Variants in VASH2 observed in about 807,000 individuals in gnomAD.
VASH2 encodes tubulinyl-Tyr carboxypeptidase 2.
VASH2 carries 28 observed loss-of-function variants against 37.2 expected under a neutral mutation model. That is an observed-to-expected ratio of 0.75 (90% CI 0.56 to 1.03). The LOEUF is 1.03. Ranked by LOEUF, VASH2 falls within the 50% of genes least tolerant of loss-of-function variation. VASH2 has a pLI of 0.00. For synonymous variants in VASH2, 188 were observed against 174.7 expected (o/e 1.08, Z -0.60); for missense variants, 419 against 459.1 (o/e 0.91, Z 0.80).
intron 7 of VASH2, among the ~76,000 whole-genome samples, chr1:212,984,562 C>T (rs749330441): frequency 2.6e-4 from 39 of 152,100 alleles, no homozygotes; most frequent in Non-Finnish European, 4.4e-4. Flanking sequence ...AAGCTAGTGT[C>T]TTATTTTCTT....
At chr1:212,986,826 G>C (rs1050676730) in intron 7 of VASH2, among the ~76,000 whole-genome samples, 7 of 152,166 alleles carry the variant, frequency 4.6e-5, no homozygotes, top group African/African-American at 1.7e-4. Context: ...GTCGCTATGG[G>C]GAGAGACACA....
At chr1:212,966,532 GCTT>G (rs1666852541) in intron 5 of VASH2, among the ~76,000 whole-genome samples, 187 bp downstream of exon 5, 1 of 152,120 alleles carries the variant, frequency 6.6e-6, no homozygotes, top group Non-Finnish European at 1.5e-5. Context: ...TCAATGCTTG[GCTT>G]CTTGGACCAA....
intron 7 of VASH2, among the ~76,000 whole-genome samples, chr1:212,978,418 G>A (rs1667243034): frequency 6.6e-6 from 1 of 152,214 alleles, no homozygotes; most frequent in Non-Finnish European, 1.5e-5. Context: ...TCGAGGTCAG[G>A]AAGGAAGACC....
At chr1:212,970,688 G>A (rs1368262609) in intron 5 of VASH2, among the ~76,000 whole-genome samples, 3 of 152,040 alleles carry the variant, frequency 2.0e-5, no homozygotes, top group African/African-American at 4.8e-5. Flanking sequence ...TCAGGAGTTC[G>A]AGACCAGCCT....
intron 5 of VASH2, chr1:212,968,262 T>C: frequency 1.0e-6 from 1 of 985,262 alleles, no homozygotes; most frequent in Non-Finnish European, 1.2e-6. Flanking sequence ...GAGAAAAAGA[T>C]CAAAGATGAA....
chr1:212,959,690 G>A (rs1352536379), intron 2 of VASH2, among the ~76,000 whole-genome samples: 1 of 152,242 alleles, frequency 6.6e-6, no homozygotes, highest in Non-Finnish European at 1.5e-5. Context: ...CCTCACACTG[G>A]GGCTGGCGCC....
chr1:212,956,423 G>T (rs114483696), intron 2 of VASH2, among the ~76,000 whole-genome samples: 1 of 152,306 alleles, frequency 6.6e-6, no homozygotes, highest in African/African-American at 2.4e-5. Flanking sequence ...CCTCTAGATT[G>T]TGCCTTCATC....
intron 4 of VASH2, 168 bp downstream of exon 4, chr1:212,965,946 A>C (rs1182481436): frequency 1.1e-5 from 7 of 651,154 alleles, no homozygotes; most frequent in Non-Finnish European, 1.8e-5. Flanking sequence ...CTGAGGACTG[A>C]GCAACTCTGA....
At position 212,990,287 on chromosome 1, in the gene VASH2, G is replaced by A. The variant is rs2075845677; in HGVS notation, c.*1703G>A. 6.6e-6 allele frequency: 1 copy of A among 152,134 alleles called. No individual in the cohort carries two copies. Among genetic ancestry groups the A allele is most frequent in the Non-Finnish European group, 1.5e-5 (1 of 68,008 alleles). The allele number at this position is 152,134 out of a possible 1,614,324, so 9.4% of individuals were successfully genotyped here. ...CCATTAGATTAAAATGTAGCACAGG[G>A]TTAAAAATTATCAGTTTAATCTCTT... is the stretch of plus-strand genomic sequence containing the variant. On this transcript the variant is annotated 3_prime_UTR_variant, in exon 8 of 8. Coordinates refer to ENST00000517399, the MANE Select transcript of VASH2 (RefSeq NM_001301056.2).
At chr1:212,984,892 G>A (rs189071115) in intron 7 of VASH2, among the ~76,000 whole-genome samples, 7 of 152,314 alleles carry the variant, frequency 4.6e-5, no homozygotes, top group Admixed American at 6.5e-5. Flanking sequence ...CATTCCTCCC[G>A]AGTTAGAACT....
Position 212,988,620 on chromosome 1 carries a change from T to C in VASH2, c.*36T>C, listed in dbSNP as rs2075823391. On this transcript the variant is annotated 3_prime_UTR_variant, in exon 8 of 8. Transcript: ENST00000517399. ...CCGGCCAGCAAGAGGGTTTCTGTGG[T>C]GCTTCTCTCTGCACTTTACCCAGCA... is the stretch of plus-strand genomic sequence containing the variant. 2 of 1,598,896 alleles carry C rather than the reference T, an allele frequency of 1.3e-6. No individual in the cohort carries two copies. The highest frequency in any genetic ancestry group is 1.7e-6 in the Non-Finnish European group (2 of 1,166,300).
intron 3 of VASH2, among the ~76,000 whole-genome samples, chr1:212,964,478 C>A (rs1384705470): frequency 6.6e-6 from 1 of 152,208 alleles, no homozygotes; most frequent in African/African-American, 2.4e-5. Flanking sequence ...ACCTACAAAG[C>A]AACTTCTCAT....
Position 212,951,473 on chromosome 1 carries a change from G to GC in VASH2, c.-64dup, listed in dbSNP as rs1666301099. The GC allele has an allele frequency of 7.0e-6, 7 of 993,382 alleles. No homozygotes were observed. The highest frequency in any genetic ancestry group is 4.7e-5 in the South Asian group (1 of 21,206). 61.5% of individuals were successfully genotyped at this position (993,382 alleles called of 1,614,324 possible). ...CCCCTCGCCGCGCCCGCGCGCACAC[G>GC]CCCCCCGCCGCCGCCGCCGCTGCCG... On this transcript the variant is annotated 5_prime_UTR_variant, in exon 2 of 8. Transcript: ENST00000517399. This position sits in a 1 kb window ranked among gnomAD's most constrained non-coding sequence, Gnocchi z 4.4.
At chr1:212,958,779 TTATG>T (rs575152400) in intron 2 of VASH2, among the ~76,000 whole-genome samples, 56 of 152,266 alleles carry the variant, frequency 3.7e-4, no homozygotes, top group African/African-American at 1.3e-3. Flanking sequence ...GGTGGCCCAT[TTATG>T]GCTCACTGCA....
chr1:212,975,284 G>A (rs1050715270), intron 7 of VASH2, among the ~76,000 whole-genome samples: 8 of 152,196 alleles, frequency 5.3e-5, no homozygotes, highest in East Asian at 3.8e-4. Context: ...GCCCCATTCC[G>A]CGTCCTACAG....
At chr1:212,965,510 C>G (rs1442028342) in intron 3 of VASH2, among the ~76,000 whole-genome samples, 1 of 152,142 alleles carries the variant, frequency 6.6e-6, no homozygotes, top group Non-Finnish European at 1.5e-5. Flanking sequence ...TATAAAGGTC[C>G]ATGGTACTTT....
chr1:212,955,612 C>T (rs188179146), intron 2 of VASH2, among the ~76,000 whole-genome samples: 4 of 152,168 alleles, frequency 2.6e-5, no homozygotes, highest in African/African-American at 9.7e-5. Flanking sequence ...ACTGGACTCT[C>T]CTTGGGGCAG....
In VASH2 at chr1:212,976,587, C is replaced by T. The variant is rs142101612; in HGVS notation, c.995+2517C>T. Among the ~76,000 whole-genome samples the T allele has an allele frequency of 6.2e-3, 916 of 148,126 alleles. 4 individuals are homozygous for T. Among genetic ancestry groups the T allele is most frequent in the Non-Finnish European group, 9.1e-3 (609 of 67,162 alleles). On this transcript the variant is annotated intron_variant, in intron 7 of 7. Transcript: ENST00000517399. ...GCCCTGTAAAAAAAAAAAATGGTGA[C>T]GACAAGGCCCTGAGGAAGCCCAAGA...
At chr1:212,962,570 G>A (rs1666710973) in intron 3 of VASH2, among the ~76,000 whole-genome samples, 1 of 152,176 alleles carries the variant, frequency 6.6e-6, no homozygotes, top group Non-Finnish European at 1.5e-5. Flanking sequence ...TCCTTGCAGG[G>A]ACCGAACACT....
Sources: allele counts gnomAD v4.1 joint callset (sites outside exome capture counted in the v4.1 genomes callset), GRCh38; gene constraint gnomAD v4.1.1; non-coding constraint Gnocchi (gnomAD v3.1); transcripts MANE v1.5; gene names NCBI Gene and HGNC (gene_info 2026-07-23, HGNC 2026-07-21).